The following DNAJC1 variants were observed in gnomAD, a reference collection of about 807,000 sequenced individuals.
DNAJC1 encodes dnaJ homolog subfamily C member 1.
Under a neutral mutation model 76.6 loss-of-function variants are expected in DNAJC1, and 58 were observed. The observed-to-expected ratio is 0.76, with a 90% CI of 0.61 to 0.94. The LOEUF is 0.94. Among genes scored for constraint, DNAJC1 ranks in the 40% least tolerant of loss-of-function variants. The pLI, the probability that DNAJC1 is intolerant of heterozygous loss-of-function variation, is 0.00. For missense variants in DNAJC1, 689 were observed against 677.3 expected, an observed-to-expected ratio of 1.02 and a Z score of -0.19; for synonymous variants, 258 against 267.9, an observed-to-expected ratio of 0.96 and a Z score of 0.36.
In DNAJC1 at chr10:22,003,507, G is replaced by A; in HGVS notation, c.-73C>T. Reference sequence around the variant, plus strand: ...GAGCTGGGACGTGGCGGGCGGCGCTGGCTGTGGGGAACAGCGCCTGTCAGT... The same window carrying A: ...GAGCTGGGACGTGGCGGGCGGCGCTAGCTGTGGGGAACAGCGCCTGTCAGT... On this transcript the variant is annotated 5_prime_UTR_variant, in exon 1 of 12. Coordinates refer to ENST00000376980, the MANE Select transcript of DNAJC1 (RefSeq NM_022365.4). The A allele has an allele frequency of 7.7e-7, 1 of 1,298,812 alleles. No homozygotes were observed. The highest frequency in any genetic ancestry group is 9.7e-7 in the Non-Finnish European group (1 of 1,028,936). The allele number at this position is 1,298,812 out of a possible 1,614,324, so 80.5% of individuals were successfully genotyped here.
intron 1 of DNAJC1, among the ~76,000 whole-genome samples, chr10:21,967,756 T>C (rs1410224782): frequency 5.9e-5 from 9 of 152,106 alleles, no homozygotes. Context: ...GGGTCCAAAT[T>C]CTGCGGACTC....
intron 9 of DNAJC1, among the ~76,000 whole-genome samples, chr10:21,777,811 AT>A (rs1302224097): frequency 4.6e-5 from 7 of 152,222 alleles, no homozygotes; most frequent in Admixed American, 4.6e-4. Flanking sequence ...TGATAATGTG[AT>A]TTACAATTGC....
chr10:21,892,459 G>T (rs1311987231), intron 7 of DNAJC1, among the ~76,000 whole-genome samples: 1 of 151,060 alleles, frequency 6.6e-6, no homozygotes, highest in Non-Finnish European at 1.5e-5. Flanking sequence ...AAAGAGAAAT[G>T]ATAGAGAGAA....
intron 7 of DNAJC1, among the ~76,000 whole-genome samples, chr10:21,890,587 C>G (rs548970354): frequency 3.3e-5 from 5 of 152,078 alleles, no homozygotes; most frequent in Admixed American, 6.5e-5. Flanking sequence ...CAGTGGAGGC[C>G]TAGAGGCAAG....
chr10:21,816,376 C>T (rs1835075259), intron 8 of DNAJC1, among the ~76,000 whole-genome samples: 1 of 151,746 alleles, frequency 6.6e-6, no homozygotes. Flanking sequence ...AAATGACTAT[C>T]CTTTTTCCTT....
At chr10:21,874,430 TG>T (rs1316907273) in intron 8 of DNAJC1, among the ~76,000 whole-genome samples, 3 of 148,526 alleles carry the variant, frequency 2.0e-5, no homozygotes, top group African/African-American at 7.5e-5. Context: ...AGACCTGGTC[TG>T]TAAAAAAAAA....
At chr10:21,905,831 G>C (rs929268935) in intron 6 of DNAJC1, among the ~76,000 whole-genome samples, 12 of 152,034 alleles carry the variant, frequency 7.9e-5, no homozygotes, top group African/African-American at 2.9e-4. Flanking sequence ...AAAAAGAAGG[G>C]TTTCAAGAAT....
intron 8 of DNAJC1, among the ~76,000 whole-genome samples, chr10:21,828,985 G>A (rs1218789191): frequency 6.6e-6 from 1 of 152,074 alleles, no homozygotes; most frequent in Non-Finnish European, 1.5e-5. Flanking sequence ...GTTGTTGTTT[G>A]ATGCATAAAG....
Position 21,809,348 on chromosome 10 carries a change from G to A in DNAJC1, c.979-3249C>T, listed in dbSNP as rs1834929944. Reference sequence around the variant, plus strand: ...TAAATAGATACTGAAACTCTCTAATGAGCAATACTTCTATTGAAATGACCT... The same window carrying A: ...TAAATAGATACTGAAACTCTCTAATAAGCAATACTTCTATTGAAATGACCT... On this transcript the variant is annotated intron_variant, in intron 8 of 11. Transcript: ENST00000376980. Among the ~76,000 whole-genome samples the A allele has an allele frequency of 1.3e-5, 2 of 151,572 alleles. 1 individual carries two copies. Among genetic ancestry groups the A allele is most frequent in the South Asian group, 4.2e-4 (2 of 4,794 alleles).
At chr10:21,893,694 A>G (rs1836492447) in intron 7 of DNAJC1, among the ~76,000 whole-genome samples, 1 of 151,996 alleles carries the variant, frequency 6.6e-6, no homozygotes, top group Non-Finnish European at 1.5e-5. Context: ...AGGGAAATGT[A>G]TAGCATTAAA....
intron 8 of DNAJC1, among the ~76,000 whole-genome samples, chr10:21,848,863 AAC>A (rs756907554): frequency 9.9e-5 from 15 of 152,236 alleles, no homozygotes; most frequent in Non-Finnish European, 1.0e-4. Flanking sequence ...TGGATATTAA[AAC>A]ACTCTTAACC....
chr10:21,892,216 G>A (rs1243638556), intron 7 of DNAJC1, among the ~76,000 whole-genome samples: 1 of 151,814 alleles, frequency 6.6e-6, no homozygotes, highest in Non-Finnish European at 1.5e-5. Context: ...TTGAGCCACA[G>A]GGAGGCAGAA....
chr10:21,784,528 G>C (rs1198348100), intron 9 of DNAJC1, among the ~76,000 whole-genome samples: 1 of 152,198 alleles, frequency 6.6e-6, no homozygotes, highest in Non-Finnish European at 1.5e-5. Flanking sequence ...AATACCATTT[G>C]ACCCAGCCAT....
At chr10:21,991,310 A>G (rs1295152023) in intron 1 of DNAJC1, among the ~76,000 whole-genome samples, 1 of 152,208 alleles carries the variant, frequency 6.6e-6, no homozygotes, top group Non-Finnish European at 1.5e-5. Flanking sequence ...ATTATAAAAT[A>G]TAATAGATGA....
At chr10:21,835,701 C>T (rs920625045) in intron 8 of DNAJC1, among the ~76,000 whole-genome samples, 3 of 151,986 alleles carry the variant, frequency 2.0e-5, no homozygotes, top group African/African-American at 7.3e-5. Flanking sequence ...GTAGCCGATG[C>T]GATCAACTGG....
chr10:21,983,278 T>TA (rs1405364813), intron 1 of DNAJC1, among the ~76,000 whole-genome samples: 1 of 152,050 alleles, frequency 6.6e-6, no homozygotes, highest in Non-Finnish European at 1.5e-5. Flanking sequence ...TATTCAGCCT[T>TA]AAAAAAGAAT....
intron 9 of DNAJC1, 29 bp from the exon 10 acceptor site, chr10:21,766,338 T>C: frequency 2.5e-6 from 4 of 1,589,284 alleles, no homozygotes; most frequent in Non-Finnish European, 3.5e-6. Flanking sequence ...GCAAAAATCT[T>C]ACTTTCCATG....
chr10:21,828,494 T>C (rs976648475), intron 8 of DNAJC1, among the ~76,000 whole-genome samples: 6 of 152,198 alleles, frequency 3.9e-5, no homozygotes, highest in African/African-American at 1.4e-4. Flanking sequence ...GGCAGCGGGG[T>C]GTACTGGATG....
intron 7 of DNAJC1, among the ~76,000 whole-genome samples, chr10:21,883,692 G>A (rs1008471795): frequency 1.3e-5 from 2 of 152,170 alleles, no homozygotes; most frequent in African/African-American, 4.8e-5. Context: ...ACACTGTAGA[G>A]GATCAGTTTT....
Sources: gnomAD v4.1 joint callset for allele counts (sites outside exome capture counted in the v4.1 genomes callset) on GRCh38, gnomAD v4.1.1 for gene constraint, MANE v1.5 for transcripts, NCBI Gene and HGNC (gene_info 2026-07-23, HGNC 2026-07-21) for gene names.